The following TENM3 variants were observed in gnomAD, a reference collection of about 807,000 sequenced individuals.
TENM3 encodes the protein teneurin-3.
A neutral mutation model predicts 255.1 loss-of-function variants in TENM3; 63 were observed. That is an observed-to-expected ratio of 0.25 (90% CI 0.20 to 0.30). The LOEUF is 0.30. TENM3 is among the 10% of genes least tolerant of loss of function. The pLI is 1.00. For missense variants in TENM3, 2,929 were observed against 3,461.1 expected (o/e 0.85, Z 3.86); for synonymous variants, 1,306 against 1,322.3 (o/e 0.99, Z 0.27).
intron 1 of TENM3, among the ~76,000 whole-genome samples, chr4:182,258,305 TTTATATGAACTGC>T (rs1285573648): frequency 1.3e-5 from 2 of 152,206 alleles, no homozygotes; most frequent in Non-Finnish European, 2.9e-5. Context: ...CACCAAACAA[TTTATATGAACTGC>T]TTTTAACAAT....
At chr4:182,556,272 A>G (rs1394140336) in intron 3 of TENM3, among the ~76,000 whole-genome samples, 1 of 152,224 alleles carries the variant, frequency 6.6e-6, no homozygotes, top group East Asian at 1.9e-4. Context: ...GCACACAGGC[A>G]CTGCTCATTC....
intron 3 of TENM3, among the ~76,000 whole-genome samples, chr4:182,546,686 G>A (rs1422178368): frequency 2.6e-5 from 4 of 152,092 alleles, no homozygotes; most frequent in African/African-American, 9.7e-5. Context: ...TATTCTCCAA[G>A]CAACTGAAAA....
chr4:182,679,698 G>C lies in TENM3; in HGVS notation c.1359G>C (p.Arg453Ser). 2 of 1,613,166 alleles carry C rather than the reference G, an allele frequency of 1.2e-6. No homozygotes were observed. Among genetic ancestry groups the C allele is most frequent in the Non-Finnish European group, 1.7e-6 (2 of 1,179,860 alleles). Residue 453 changes from arginine (R) to serine (S), a missense_variant, in exon 8 of 28, where the codon AGG (arginine) becomes AGC (serine). By Grantham distance (110) the Arg-to-Ser change is moderately radical. Transcript: ENST00000511685. Reference protein sequence around the residue: ...YDFVELLDGSRLIAREQRSLL... With the variant: ...YDFVELLDGSSLIAREQRSLL... ...TCGTGGAGCTCCTGGATGGCAGCAGGCTGATTGCCAGAGAGCAGCGGAGCC... is the reference window on the plus strand; with the variant it reads ...TCGTGGAGCTCCTGGATGGCAGCAGCCTGATTGCCAGAGAGCAGCGGAGCC...
chr4:181,801,659 T>C, the TENM3 span, among the ~76,000 whole-genome samples: 5 of 23,324 alleles, frequency 2.1e-4, no homozygotes, highest in Non-Finnish European at 4.9e-4. Context: ...AAAATATATA[T>C]ATATATATAT....
At chr4:182,788,955 G>T in intron 24 of TENM3, 138 bp from the exon 25 acceptor site, 1 of 693,678 alleles carries the variant, frequency 1.4e-6, no homozygotes. Flanking sequence ...CTACTGCCTT[G>T]CACTTGTACC....
At chr4:182,719,923 T>C (rs1324638366) in intron 13 of TENM3, among the ~76,000 whole-genome samples, 2 of 151,880 alleles carry the variant, frequency 1.3e-5, no homozygotes, top group African/African-American at 4.8e-5. Context: ...CAGGCAGGCG[T>C]GGTGGCACAC....
Position 182,714,125 on chromosome 4 carries a change from A to G in TENM3, c.2260A>G (p.Thr754Ala). The G allele has an allele frequency of 6.2e-7, 1 of 1,613,860 alleles. No individual in the cohort carries two copies. ...PGLCNSNGRCTLDQNGWHCVC... is the reference protein window; with the variant it reads ...PGLCNSNGRCALDQNGWHCVC... ...TCTGTGCAACAGCAATGGAAGATGT[A>G]CCCTGGACCAAAATGGCTGGCATTG... The change falls in exon 13 of 28, where the codon ACC (threonine) becomes GCC (alanine). Residue 754 changes from threonine to alanine, a missense_variant. Around this residue, in one of 6 missense-constraint regions of TENM3, gnomAD observed 1,608 missense variants for 1,884.4 expected, o/e 0.85. Coordinates refer to ENST00000511685, the MANE Select transcript of TENM3 (RefSeq NM_001080477.4).
chr4:182,029,504 T>TA, the TENM3 span, among the ~76,000 whole-genome samples: 19,395 of 152,098 alleles, frequency 0.13, 1,403 homozygotes, highest in Middle Eastern at 0.16. Flanking sequence ...TTTATGTATG[T>TA]GGGTCATCCA....
the TENM3 span, among the ~76,000 whole-genome samples, chr4:181,785,839 AAC>A: frequency 8.8e-5 from 11 of 125,158 alleles, no homozygotes; most frequent in African/African-American, 3.1e-4. Context: ...CACACACACA[AAC>A]ACACACACTT....
the TENM3 span, among the ~76,000 whole-genome samples, chr4:181,475,480 G>A: frequency 6.6e-6 from 1 of 152,234 alleles, no homozygotes; most frequent in African/African-American, 2.4e-5. Flanking sequence ...TTGCCTCTGT[G>A]GCGTATTTGA....
intron 3 of TENM3, among the ~76,000 whole-genome samples, chr4:182,449,301 C>T (rs1341491596): frequency 6.6e-6 from 1 of 151,772 alleles, no homozygotes; most frequent in East Asian, 1.9e-4. Flanking sequence ...GCGGAGGCAA[C>T]ATTCGCATCT....
chr4:182,410,275 T>A (rs905606786), intron 3 of TENM3, among the ~76,000 whole-genome samples: 4 of 152,376 alleles, frequency 2.6e-5, no homozygotes, highest in Non-Finnish European at 2.9e-5. Flanking sequence ...AAGTGTATAA[T>A]CACTAATTAG....
chr4:181,814,041 C>T, the TENM3 span, among the ~76,000 whole-genome samples: 1 of 151,996 alleles, frequency 6.6e-6, no homozygotes, highest in African/African-American at 2.4e-5. Flanking sequence ...GGAACAAAGT[C>T]AAGTATTTCA....
chr4:182,772,653 G>A (rs1236396005), intron 22 of TENM3: 2 of 151,044 alleles, frequency 1.3e-5, no homozygotes, highest in Non-Finnish European at 2.9e-5. Context: ...TCAGTCAAAT[G>A]TTGTATCTAT....
the TENM3 span, among the ~76,000 whole-genome samples, chr4:181,576,010 A>G: frequency 6.6e-6 from 1 of 152,222 alleles, no homozygotes; most frequent in East Asian, 1.9e-4. Flanking sequence ...TTGCATGGAT[A>G]TATTGCACAG....
the TENM3 span, among the ~76,000 whole-genome samples, chr4:181,910,870 A>G: frequency 1.3e-5 from 2 of 152,074 alleles, no homozygotes; most frequent in Non-Finnish European, 2.9e-5. Context: ...ATAATATCCC[A>G]TGATATGGCT....
At chr4:182,596,316 G>A (rs1040628110) in intron 3 of TENM3, among the ~76,000 whole-genome samples, 1 of 152,294 alleles carries the variant, frequency 6.6e-6, no homozygotes, top group East Asian at 1.9e-4. Flanking sequence ...TTTATTGAGT[G>A]TCTGCCCTTG....
the TENM3 span, among the ~76,000 whole-genome samples, chr4:182,018,970 T>G: frequency 6.6e-6 from 1 of 152,158 alleles, no homozygotes; most frequent in South Asian, 2.1e-4. Context: ...TGCAAGCATC[T>G]ACTACCCCCA....
At chr4:181,778,292 T>A in the TENM3 span, among the ~76,000 whole-genome samples, 2 of 152,168 alleles carry the variant, frequency 1.3e-5, no homozygotes, top group African/African-American at 4.8e-5. Flanking sequence ...ATTTTCTTAT[T>A]CTTAGTTTAT....
Sources: gnomAD v4.1 joint callset for allele counts (sites outside exome capture counted in the v4.1 genomes callset) on GRCh38, gnomAD v4.1.1 for gene constraint, gnomAD v4.1.1 regional missense constraint, MANE v1.5 for transcripts, NCBI Gene and HGNC (gene_info 2026-07-23, HGNC 2026-07-21) for gene names.